THSD4: variants seen among roughly 807,000 people sequenced by gnomAD.
The protein encoded by THSD4 is thrombospondin type 1 domain containing 4.
In THSD4, 69 loss-of-function variants were observed where a neutral mutation model predicts 119.0. The observed-to-expected ratio is 0.58, with a 90% CI of 0.48 to 0.71. The LOEUF (loss-of-function observed/expected upper bound fraction) is 0.71, where lower values mean the gene tolerates loss of function less well. THSD4 is among the 30% of genes least tolerant of loss of function. THSD4 has a pLI of 0.00. For synonymous variants in THSD4, 524 were observed against 540.4 expected (o/e 0.97, Z 0.42); for missense variants, 1,393 against 1,391.1 (o/e 1.00, Z -0.02).
chr15:71,107,835 A>C (rs1294513612), intron 1 of THSD4, among the ~76,000 whole-genome samples: 1 of 152,184 alleles, frequency 6.6e-6, no homozygotes, highest in Non-Finnish European at 1.5e-5. Context: ...AGAATTCAGC[A>C]GTTAGTGAGT....
At chr15:71,444,544 T>C (rs1826094783) in intron 7 of THSD4, among the ~76,000 whole-genome samples, 1 of 152,236 alleles carries the variant, frequency 6.6e-6, no homozygotes, top group South Asian at 2.1e-4. Flanking sequence ...CTGCTTTCCA[T>C]TTCTACCCAC....
At chr15:71,434,434 C>CTTTTTTTTTT (rs34097873) in intron 7 of THSD4, among the ~76,000 whole-genome samples, 1 of 82,584 alleles carries the variant, frequency 1.2e-5, no homozygotes, top group Non-Finnish European at 2.2e-5. Context: ...TCAGTGGTCC[C>CTTTTTTTTTT]TTTTTTTTTT....
intron 6 of THSD4, among the ~76,000 whole-genome samples, chr15:71,272,975 A>C (rs1325539327): frequency 6.6e-6 from 1 of 152,202 alleles, no homozygotes; most frequent in Non-Finnish European, 1.5e-5. Context: ...CATTTTGGAA[A>C]ACAGTATGGA....
intron 2 of THSD4, among the ~76,000 whole-genome samples, chr15:71,143,681 CTTTCTTTTTT>C (rs993719682): frequency 1.8e-5 from 2 of 109,950 alleles, no homozygotes; most frequent in Non-Finnish European, 3.7e-5. Flanking sequence ...GGATTTTTTT[CTTTCTTTTTT>C]TTTTCTTTCT....
chr15:71,680,740 C>T (rs887306993), intron 8 of THSD4, among the ~76,000 whole-genome samples: 61 of 152,312 alleles, frequency 4.0e-4, no homozygotes, highest in African/African-American at 1.4e-3. Context: ...CTATAGCCTT[C>T]AGTCAGTTAC....
chr15:71,762,543 T>A (rs1278947379), intron 15 of THSD4, among the ~76,000 whole-genome samples: 1 of 152,160 alleles, frequency 6.6e-6, no homozygotes, highest in Non-Finnish European at 1.5e-5. Flanking sequence ...GACTCTAGTT[T>A]CCATGTCTCC....
intron 8 of THSD4, among the ~76,000 whole-genome samples, chr15:71,682,920 C>T (rs974384445): frequency 0.31 from 16,245 of 53,034 alleles, 2,443 homozygotes; most frequent in African/African-American, 0.47. Context: ...TCTTCTTCTT[C>T]TTTTTTTTTT....
intron 8 of THSD4, among the ~76,000 whole-genome samples, chr15:71,679,897 A>T (rs1197943892): frequency 6.6e-6 from 1 of 152,214 alleles, no homozygotes; most frequent in African/African-American, 2.4e-5. Flanking sequence ...CTGCTATGTC[A>T]GTGGGCTCTG....
intron 8 of THSD4, among the ~76,000 whole-genome samples, chr15:71,684,137 G>A (rs1396404790): frequency 6.6e-6 from 1 of 152,158 alleles, no homozygotes; most frequent in Non-Finnish European, 1.5e-5. Flanking sequence ...GTGGTATGAT[G>A]ATGATGACAA....
At chr15:71,700,233 C>T (rs911597695) in intron 8 of THSD4, among the ~76,000 whole-genome samples, 1 of 152,156 alleles carries the variant, frequency 6.6e-6, no homozygotes, top group Non-Finnish European at 1.5e-5. Context: ...ATCATATATT[C>T]ATGACACTGT....
chr15:71,163,170 C>T (rs2043262129), intron 3 of THSD4, among the ~76,000 whole-genome samples: 1 of 151,260 alleles, frequency 6.6e-6, no homozygotes, highest in African/African-American at 2.4e-5. Context: ...ACTTATTATG[C>T]TCCTTTAGGG....
chr15:71,771,161 C>CAGA lies in THSD4; in HGVS notation c.2871_2873dup (p.Glu958dup). The CAGA allele has an allele frequency of 6.2e-7, 1 of 1,614,124 alleles. No individual in the cohort carries two copies. On this transcript the variant is annotated inframe_insertion, in exon 17 of 18. Coordinates refer to ENST00000261862, the MANE Select transcript of THSD4 (RefSeq NM_024817.3). ...AACCTCTGTGACCCTCAGTTGAAACCAGAAGAGAGAGAATCTTGTAACCCT... is the reference window on the plus strand; with the variant it reads ...AACCTCTGTGACCCTCAGTTGAAACCAGAAGAAGAGAGAGAATCTTGTAACCCT...
chr15:71,470,700 A>G (rs2047565520), intron 7 of THSD4, among the ~76,000 whole-genome samples: 1 of 151,736 alleles, frequency 6.6e-6, no homozygotes, highest in African/African-American at 2.4e-5. Flanking sequence ...CAGTGGCGCA[A>G]TCTCGGCTCA....
intron 7 of THSD4, among the ~76,000 whole-genome samples, chr15:71,640,059 G>C (rs905074): frequency 6.6e-6 from 1 of 152,040 alleles, no homozygotes; most frequent in Non-Finnish European, 1.5e-5. Context: ...TTGGAAAAGT[G>C]GTAACAACGG....
intron 7 of THSD4, among the ~76,000 whole-genome samples, chr15:71,445,430 A>G (rs904911065): frequency 6.6e-6 from 1 of 152,222 alleles, no homozygotes; most frequent in African/African-American, 2.4e-5. Flanking sequence ...AAATCCATCT[A>G]TTATTTAACC....
chr15:71,506,947 A>AG (rs1334156151), intron 7 of THSD4, among the ~76,000 whole-genome samples: 1 of 152,238 alleles, frequency 6.6e-6, no homozygotes, highest in Non-Finnish European at 1.5e-5. Flanking sequence ...TTTCCTAGGC[A>AG]GGGGGAAGTG....
chr15:71,263,101 G>C (rs1023829411), intron 6 of THSD4, among the ~76,000 whole-genome samples: 3 of 151,820 alleles, frequency 2.0e-5, no homozygotes, highest in Non-Finnish European at 4.4e-5. Context: ...TATTTTTCCT[G>C]ACCTTCTCCC....
At chr15:71,665,461 G>C (rs59015544) in intron 8 of THSD4, among the ~76,000 whole-genome samples, 13,126 of 152,142 alleles carry the variant, frequency 0.086, 880 homozygotes, top group East Asian at 0.3. Context: ...TGTTTACTCT[G>C]TTGACAGTTT....
chr15:71,550,772 AAAAT>A (rs1244912589), intron 7 of THSD4, among the ~76,000 whole-genome samples: 2 of 152,208 alleles, frequency 1.3e-5, no homozygotes, highest in South Asian at 2.1e-4. Context: ...ATCAAAATGA[AAAAT>A]AAATATCTTA....
Sources: gnomAD v4.1 joint callset for allele counts (sites outside exome capture counted in the v4.1 genomes callset) on GRCh38, gnomAD v4.1.1 for gene constraint, MANE v1.5 for transcripts, NCBI Gene and HGNC (gene_info 2026-07-23, HGNC 2026-07-21) for gene names.